TAFA1: variants seen among roughly 807,000 people sequenced by gnomAD.
TAFA1 encodes chemokine-like protein TAFA-1.
Under a neutral mutation model 18.5 loss-of-function variants are expected in TAFA1, and 4 were observed. That is an observed-to-expected ratio of 0.22 (90% CI 0.11 to 0.49). The LOEUF (loss-of-function observed/expected upper bound fraction) is 0.49, where lower values mean the gene tolerates loss of function less well. TAFA1 is among the 20% of genes least tolerant of loss of function. The pLI is 0.98. For missense variants in TAFA1, 147 were observed against 169.0 expected, an observed-to-expected ratio of 0.87 and a Z score of 0.72; for synonymous variants, 56 against 55.2, an observed-to-expected ratio of 1.01 and a Z score of -0.06.
At chr3:68,074,946 A>T (rs1559727203) in intron 2 of TAFA1, among the ~76,000 whole-genome samples, 1 of 152,218 alleles carries the variant, frequency 6.6e-6, no homozygotes, top group Non-Finnish European at 1.5e-5. Context: ...TGTTGTAAAG[A>T]GTAGTCCTTT....
chr3:68,491,625 G>T (rs909519644), intron 3 of TAFA1, among the ~76,000 whole-genome samples: 1 of 151,882 alleles, frequency 6.6e-6, no homozygotes, highest in African/African-American at 2.4e-5. Flanking sequence ...CACCAACATG[G>T]CACATGTATA....
chr3:68,179,146 T>C (rs1056895300), intron 2 of TAFA1, among the ~76,000 whole-genome samples: 3 of 152,210 alleles, frequency 2.0e-5, no homozygotes, highest in African/African-American at 4.8e-5. Context: ...TCATTCATAA[T>C]TTCATTAGGC....
chr3:68,133,076 T>G (rs910982626), intron 2 of TAFA1, among the ~76,000 whole-genome samples: 3 of 152,208 alleles, frequency 2.0e-5, no homozygotes, highest in South Asian at 2.1e-4. Flanking sequence ...AGTTTCAGTT[T>G]TCTGCATATG....
At chr3:68,499,059 C>T (rs905223564) in intron 3 of TAFA1, among the ~76,000 whole-genome samples, 1 of 151,964 alleles carries the variant, frequency 6.6e-6, no homozygotes, top group East Asian at 1.9e-4. Context: ...AACTTCTTGT[C>T]ATTAAAATGG....
chr3:68,146,972 AAG>A lies in TAFA1; in HGVS notation c.118+140234_118+140235del, dbSNP rs149508604. On this transcript the variant is annotated intron_variant, in intron 2 of 4. Transcript: ENST00000478136. ...TGCTGGAGCTGATGGATTTAGTGGA[AAG>A]AGAGAACAAGGACTTTAAAATACCT... is the stretch of plus-strand genomic sequence containing the variant. Among the ~76,000 whole-genome samples, 705 of 151,958 alleles carry A rather than the reference AAG, an allele frequency of 4.6e-3. 29 individuals carry two copies. The East Asian group carries it at 0.091, about 20-fold the overall frequency.
At chr3:68,509,287 CATT>C in intron 3 of TAFA1, among the ~76,000 whole-genome samples, 1 of 152,156 alleles carries the variant, frequency 6.6e-6, no homozygotes, top group East Asian at 1.9e-4. Flanking sequence ...CATGTGGTCT[CATT>C]AGAGTTCGTT....
intron 3 of TAFA1, among the ~76,000 whole-genome samples, chr3:68,439,376 T>C (rs1479092968): frequency 7.4e-6 from 1 of 135,954 alleles, no homozygotes; most frequent in South Asian, 2.3e-4. Flanking sequence ...GTCAGGGTTC[T>C]CTAGAGGGAC....
At chr3:68,385,890 A>G (rs1575823409) in intron 2 of TAFA1, among the ~76,000 whole-genome samples, 1 of 152,148 alleles carries the variant, frequency 6.6e-6, no homozygotes, top group Admixed American at 6.6e-5. Context: ...GGTAATTAGC[A>G]TATCCATCAT....
At chr3:68,433,346 T>C (rs1428082523) in intron 3 of TAFA1, among the ~76,000 whole-genome samples, 3 of 152,090 alleles carry the variant, frequency 2.0e-5, no homozygotes, top group Non-Finnish European at 4.4e-5. Flanking sequence ...GAAGCCATTA[T>C]CACCTTTTCA....
intron 3 of TAFA1, among the ~76,000 whole-genome samples, chr3:68,499,696 T>C (rs1559695380): frequency 6.6e-6 from 1 of 151,936 alleles, no homozygotes; most frequent in Admixed American, 6.6e-5. Flanking sequence ...CCCCATTAGT[T>C]TTATAGTAGC....
intron 2 of TAFA1, among the ~76,000 whole-genome samples, chr3:68,120,171 C>CTGTTTCTTTCTT (rs1178876848): frequency 8.3e-5 from 7 of 84,436 alleles, no homozygotes; most frequent in African/African-American, 3.1e-4. Flanking sequence ...CTCTTTCTTT[C>CTGTTTCTTTCTT]TCTTTCTTTC....
At chr3:68,415,656 G>C (rs1449533772) in intron 2 of TAFA1, among the ~76,000 whole-genome samples, 1 of 151,408 alleles carries the variant, frequency 6.6e-6, no homozygotes, top group Non-Finnish European at 1.5e-5. Context: ...TAGTCACTCT[G>C]GTATTCTTAT....
intron 2 of TAFA1, among the ~76,000 whole-genome samples, chr3:68,399,083 A>G (rs922104219): frequency 1.3e-5 from 2 of 152,180 alleles, no homozygotes; most frequent in African/African-American, 4.8e-5. Flanking sequence ...TTAGAGTTGA[A>G]CTAGATTATT....
chr3:68,332,109 C>T (rs1245124451), intron 2 of TAFA1, among the ~76,000 whole-genome samples: 17 of 151,574 alleles, frequency 1.1e-4, no homozygotes, highest in African/African-American at 1.5e-4. Context: ...GTGATCCGCC[C>T]GCCTCGGCCT....
intron 3 of TAFA1, among the ~76,000 whole-genome samples, chr3:68,492,365 C>T (rs959618916): frequency 5.3e-5 from 8 of 152,074 alleles, no homozygotes; most frequent in East Asian, 1.9e-4. Context: ...GTGGAGGCTT[C>T]GGTATCACTG....
chr3:68,348,079 C>T (rs75115905), intron 2 of TAFA1, among the ~76,000 whole-genome samples: 2,089 of 152,202 alleles, frequency 0.014, 49 homozygotes, highest in African/African-American at 0.048. Flanking sequence ...AAAGCAGACA[C>T]TCCTCAAGGG....
At chr3:68,476,911 A>G (rs1470924549) in intron 3 of TAFA1, among the ~76,000 whole-genome samples, 3 of 152,306 alleles carry the variant, frequency 2.0e-5, no homozygotes, top group Non-Finnish European at 4.4e-5. Flanking sequence ...ATCAATGTAT[A>G]ACATAAATAT....
At chr3:68,196,300 T>C (rs1168790541) in intron 2 of TAFA1, among the ~76,000 whole-genome samples, 5 of 151,798 alleles carry the variant, frequency 3.3e-5, no homozygotes, top group Admixed American at 3.3e-4. Flanking sequence ...GTTCTGTGTC[T>C]ACAGTCCTCC....
intron 2 of TAFA1, among the ~76,000 whole-genome samples, chr3:68,167,939 C>G (rs1368342827): frequency 6.6e-6 from 1 of 151,886 alleles, no homozygotes; most frequent in Non-Finnish European, 1.5e-5. Context: ...AACAGGAGAA[C>G]CCACGTGTTT....
Sources: gnomAD v4.1 joint callset for allele counts (sites outside exome capture counted in the v4.1 genomes callset) on GRCh38, gnomAD v4.1.1 for gene constraint, MANE v1.5 for transcripts, NCBI Gene and HGNC (gene_info 2026-07-23, HGNC 2026-07-21) for gene names.